SYNE2: variants seen among roughly 807,000 people sequenced by gnomAD.
SYNE2 encodes nesprin-2.
Under a neutral mutation model 856.3 loss-of-function variants are expected in SYNE2, and 431 were observed. That is an observed-to-expected ratio of 0.50 (90% CI 0.47 to 0.55). The LOEUF (loss-of-function observed/expected upper bound fraction) is 0.55. Ranked by LOEUF, SYNE2 falls within the 20% of genes least tolerant of loss-of-function variation. The pLI, the probability that SYNE2 is intolerant of heterozygous loss-of-function variation, is 0.00. For missense variants in SYNE2, 8,129 were observed against 8,023.2 expected (o/e 1.01, Z -0.50); for synonymous variants, 2,923 against 2,872.3 (o/e 1.02, Z -0.56).
chr14:63,974,851 C>CGTGTGTGTGT lies in SYNE2; in HGVS notation c.1129-1712_1129-1711insGTGTGTGTGT, dbSNP rs1566949091. ...GTATATAGACGTGTGTGTGTGTGTACATGTGTGTGTGTGTGTGTGTGTGTG... is the reference window on the plus strand; with the variant it reads ...GTATATAGACGTGTGTGTGTGTGTACGTGTGTGTGTATGTGTGTGTGTGTGTGTGTGTGTG... On this transcript the variant is annotated intron_variant, in intron 11 of 115. Transcript: ENST00000555002. Among the ~76,000 whole-genome samples, 8 of 52,820 alleles carry CGTGTGTGTGT rather than the reference C, an allele frequency of 1.5e-4. 1 individual carries two copies. In the East Asian group the frequency reaches 1.8e-3, roughly 12 times the overall value. The allele number at this position is 52,820 out of a possible 152,430, so 34.7% of individuals were successfully genotyped here.
intron 53 of SYNE2, among the ~76,000 whole-genome samples, chr14:64,074,390 A>G (rs151100725): frequency 1.3e-5 from 2 of 152,208 alleles, no homozygotes; most frequent in East Asian, 3.9e-4. Flanking sequence ...CCTTCTTTCA[A>G]CTATGTTTCC....
chr14:64,142,084 A>G lies in SYNE2; in HGVS notation c.15302A>G (p.His5101Arg), dbSNP rs769668392. ...CAAGTTAAACATCTTCTTCAGAAGCACAAGGTAATTATGCAAAAGGAGCAG... is the reference window on the plus strand; with the variant it reads ...CAAGTTAAACATCTTCTTCAGAAGCGCAAGGTAATTATGCAAAAGGAGCAG... ...ASQVKHLLQK[H>R]KEFRMEMDYK... Residue 5101 changes from histidine to arginine, a missense_variant, in exon 82 of 116, where the codon CAC becomes CGC. Physicochemically the swap from His to Arg is conservative, Grantham distance 29. Coordinates refer to ENST00000555002, the MANE Select transcript of SYNE2 (RefSeq NM_182914.3). 1 of 1,614,156 alleles carries G rather than the reference A, an allele frequency of 6.2e-7. No individual in the cohort carries two copies. Among genetic ancestry groups the G allele is most frequent in the Non-Finnish European group, 8.5e-7 (1 of 1,179,996 alleles).
chr14:64,210,083 A>C lies in SYNE2; in HGVS notation c.18682A>C (p.Asn6228His). 6.2e-7 allele frequency: 1 copy of C among 1,614,134 alleles called. No homozygotes were observed. The highest frequency in any genetic ancestry group is 1.1e-5 in the South Asian group (1 of 91,082). ...CCACGAGGGCAACCAGCGCTGGGAC[A>C]ACCTTCAGAGGCGGGTCACAGCCGT... ...MVHEGNQRWD[N>H]LQRRVTAVLR... Residue 6228 changes from asparagine to histidine, a missense_variant, in exon 103 of 116, where the codon AAC becomes CAC. Asn to His is a moderately conservative substitution (Grantham distance 68). Coordinates refer to ENST00000555002, the MANE Select transcript of SYNE2 (RefSeq NM_182914.3).
chr14:64,035,147 G>A (rs1057483921), intron 45 of SYNE2, among the ~76,000 whole-genome samples: 11 of 151,820 alleles, frequency 7.2e-5, no homozygotes, highest in African/African-American at 2.7e-4. Context: ...AAGTTTCTGA[G>A]CATTTCTAAT....
chr14:64,068,174 G>A (rs993856433), intron 51 of SYNE2, among the ~76,000 whole-genome samples: 3 of 152,136 alleles, frequency 2.0e-5, no homozygotes, highest in Non-Finnish European at 4.4e-5. Context: ...ACACTTTTTA[G>A]TGTAAAATAT....
At chr14:64,058,368 C>T (rs1386353179) in intron 49 of SYNE2, among the ~76,000 whole-genome samples, 2 of 152,128 alleles carry the variant, frequency 1.3e-5, no homozygotes, top group Admixed American at 6.5e-5. Context: ...TTCCCGGAAC[C>T]GTTTATTGGT....
At chr14:63,785,192 G>C (rs1887471687) in intron 1 of SYNE2, among the ~76,000 whole-genome samples, 1 of 151,982 alleles carries the variant, frequency 6.6e-6, no homozygotes, top group Non-Finnish European at 1.5e-5. Flanking sequence ...CAGGCACGGT[G>C]GCTCACACCT....
chr14:64,042,069 A>C (rs1295678326), intron 45 of SYNE2, among the ~76,000 whole-genome samples: 3 of 152,180 alleles, frequency 2.0e-5, no homozygotes, highest in Non-Finnish European at 2.9e-5. Context: ...AGCACTATCT[A>C]TTATATGAAA....
rs1473919483 is a variant in SYNE2 at position 64,073,969 on chromosome 14, C to T, written c.10699C>T (p.Leu3567Phe). Residue 3567 changes from leucine to phenylalanine, a missense_variant and splice_region_variant, in exon 53 of 116, where the codon CTT becomes TTT. Coordinates refer to ENST00000555002, the MANE Select transcript of SYNE2 (RefSeq NM_182914.3). ...ITSMKERCNK[L>F]LQKVQKNKEL... The stretch of plus-strand genomic sequence containing the variant: ...TTATATTTTGACGTTCTCTTTTAGG[C>T]TTCTTCAGAAAGTTCAGAAAAATAA... The T allele has an allele frequency of 3.1e-6, 5 of 1,613,754 alleles. No homozygotes were observed. In the African/African-American group the frequency reaches 6.7e-5, roughly 22 times the overall value.
Position 64,225,383 on chromosome 14 carries a change from C to T in SYNE2, c.20581C>T (p.Leu6861=). The T allele has an allele frequency of 6.2e-7, 1 of 1,614,144 alleles. No individual in the cohort carries two copies. The highest frequency in any genetic ancestry group is 8.5e-7 in the Non-Finnish European group (1 of 1,180,002). ...AAGGGTGGTCCGGGCAGCCCTACCCCTGCAGCTGCTCCTCCTGCTGCTGCT... is the reference window on the plus strand; with the variant it reads ...AAGGGTGGTCCGGGCAGCCCTACCCTTGCAGCTGCTCCTCCTGCTGCTGCT... ...LSRVVRAALP[L]QLLLLLLLLL... The change falls in exon 116 of 116, where the codon CTG becomes TTG. Residue 6861 remains leucine, a synonymous_variant. Coordinates refer to ENST00000555002, the MANE Select transcript of SYNE2 (RefSeq NM_182914.3).
rs17766474 is a variant in SYNE2 at position 64,178,142 on chromosome 14, G to A, written c.17556+659G>A. On this transcript the variant is annotated intron_variant, in intron 96 of 115. Transcript: ENST00000555002. ...TTTTTTTCTTCCTTCAGTGACTTTC[G>A]GGGATCAAATTGAAAAAATTAGGAA... is the stretch of plus-strand genomic sequence containing the variant. 7.0e-3 allele frequency among the ~76,000 whole-genome samples: 1,068 copies of A among 152,174 alleles called. 29 individuals are homozygous for A. The highest frequency in any genetic ancestry group is 0.047 in the Admixed American group (720 of 15,292).
chr14:63,893,609 T>G (rs902433517), intron 1 of SYNE2, among the ~76,000 whole-genome samples: 14 of 152,150 alleles, frequency 9.2e-5, no homozygotes, highest in African/African-American at 3.4e-4. Context: ...AGTTATTAAT[T>G]TATTCTTTTT....
Position 64,091,048 on chromosome 14 carries a change from G to T in SYNE2, c.11976G>T (p.Lys3992Asn). The part of the protein sequence containing the change: ...NVTQEQNELL[K>N]VVIKQTNEWD... ...CTCAAGAACAAAATGAGTTATTAAA[G>T]GTAAGCAGTTTCTGATGACATCCAA... is the stretch of plus-strand genomic sequence containing the variant. Residue 3992 changes from lysine to asparagine, a missense_variant and splice_region_variant, in exon 60 of 116, where the codon AAG becomes AAT. Around this residue, in one of 3 missense-constraint regions of SYNE2, gnomAD observed 5,410 missense variants for 5,284.8 expected, o/e 1.02. Coordinates refer to ENST00000555002, the MANE Select transcript of SYNE2 (RefSeq NM_182914.3). 6.2e-7 allele frequency: 1 copy of T among 1,613,756 alleles called. No homozygotes were observed. The highest frequency in any genetic ancestry group is 1.3e-5 in the African/African-American group (1 of 75,018).
chr14:64,186,231 A>C (rs1339188838), intron 96 of SYNE2, among the ~76,000 whole-genome samples, 193 bp from the exon 97 acceptor site: 1 of 152,208 alleles, frequency 6.6e-6, no homozygotes, highest in African/African-American at 2.4e-5. Flanking sequence ...TTTTCCTTTG[A>C]TAAGAAGGTG....
chr14:63,849,014 C>T (rs1461662053), upstream of SYNE2, among the ~76,000 whole-genome samples: 2 of 152,168 alleles, frequency 1.3e-5, no homozygotes, highest in Non-Finnish European at 2.9e-5. Flanking sequence ...GTCAAGGGAG[C>T]AATTAGCCAA....
chr14:64,199,335 T>G (rs990608830), intron 99 of SYNE2, among the ~76,000 whole-genome samples: 1 of 152,246 alleles, frequency 6.6e-6, no homozygotes, highest in Non-Finnish European at 1.5e-5. Context: ...AGAATCCTGC[T>G]TCCGCTATTG....
intron 17 of SYNE2, among the ~76,000 whole-genome samples, chr14:63,983,265 A>G (rs1214640949): frequency 1.3e-5 from 2 of 152,188 alleles, no homozygotes; most frequent in Non-Finnish European, 1.5e-5. Flanking sequence ...TTGGGTTTTT[A>G]TGAACAATGC....
intron 1 of SYNE2, among the ~76,000 whole-genome samples, chr14:63,905,931 G>T (rs2095404477): frequency 6.6e-6 from 1 of 152,016 alleles, no homozygotes; most frequent in Admixed American, 6.6e-5. Context: ...GTTGGCTGTG[G>T]GTTTTTTCAT....
At chr14:63,814,455 ATCC>A (rs375500721) in intron 1 of SYNE2, among the ~76,000 whole-genome samples, 1 of 68,528 alleles carries the variant, frequency 1.5e-5, no homozygotes, top group African/African-American at 4.4e-5. Context: ...TATAATATAT[ATCC>A]TTATATATCA....
Sources: gnomAD v4.1 joint callset for allele counts (sites outside exome capture counted in the v4.1 genomes callset) on GRCh38, gnomAD v4.1.1 for gene constraint, gnomAD v4.1.1 regional missense constraint, MANE v1.5 for transcripts, NCBI Gene and HGNC (gene_info 2026-07-23, HGNC 2026-07-21) for gene names.